The following FHL2 variants were observed in gnomAD, a reference collection of about 807,000 sequenced individuals.
FHL2 encodes the protein four and a half LIM domains 2, also known as four and a half LIM domains protein 2.
A neutral mutation model predicts 32.7 loss-of-function variants in FHL2; 20 were observed. The observed-to-expected ratio is 0.61, with a 90% confidence interval of 0.43 to 0.89. The LOEUF is 0.89. FHL2 is among the 40% of genes least tolerant of loss of function. FHL2 has a pLI of 0.00. For missense variants in FHL2, 311 were observed against 358.6 expected, an observed-to-expected ratio of 0.87 and a Z score of 1.07; for synonymous variants, 123 against 128.1, an observed-to-expected ratio of 0.96 and a Z score of 0.27.
At chr2:105,373,035 G>C (rs1005382939) in intron 4 of FHL2, among the ~76,000 whole-genome samples, 2 of 152,078 alleles carry the variant, frequency 1.3e-5, no homozygotes, top group African/African-American at 4.8e-5. Flanking sequence ...GCCATCCTCG[G>C]CACCTGGCCC....
At chr2:105,432,527 TAC>T (rs949977046) in intron 1 of FHL2, among the ~76,000 whole-genome samples, 70 of 152,330 alleles carry the variant, frequency 4.6e-4, no homozygotes, top group African/African-American at 1.5e-3. Context: ...AGCAAAATAT[TAC>T]AGTTTCCTAG....
intron 4 of FHL2, among the ~76,000 whole-genome samples, chr2:105,372,320 G>A (rs543096131): frequency 1.1e-4 from 16 of 152,132 alleles, no homozygotes; most frequent in Non-Finnish European, 2.1e-4. Flanking sequence ...CCATCTCCTG[G>A]GTTCAGGCCA....
At chr2:105,393,850 G>T (rs929722027) in intron 2 of FHL2, among the ~76,000 whole-genome samples, 1 of 152,202 alleles carries the variant, frequency 6.6e-6, no homozygotes, top group Non-Finnish European at 1.5e-5. Context: ...CTTCCGCAGC[G>T]GATATAACTC....
chr2:105,429,523 C>T (rs1684363838), intron 1 of FHL2, among the ~76,000 whole-genome samples: 1 of 152,090 alleles, frequency 6.6e-6, no homozygotes, highest in South Asian at 2.1e-4. Flanking sequence ...GGGCCATGAG[C>T]CAAGGAACGT....
chr2:105,391,210 TG>T (rs998713891), intron 2 of FHL2, among the ~76,000 whole-genome samples: 5 of 152,118 alleles, frequency 3.3e-5, no homozygotes, highest in Admixed American at 2.0e-4. Flanking sequence ...TCTAAAGTCA[TG>T]AAAAGTGCAG....
chr2:105,399,592 T>C (rs1163723075), upstream of FHL2: 1 of 1,532,652 alleles, frequency 6.5e-7, no homozygotes, highest in African/African-American at 1.4e-5. Flanking sequence ...GAAGGTCCTA[T>C]CCCCACCTCT....
intron 1 of FHL2, among the ~76,000 whole-genome samples, chr2:105,410,645 A>G (rs1375928299): frequency 2.6e-5 from 4 of 152,174 alleles, no homozygotes; most frequent in Non-Finnish European, 5.9e-5. Flanking sequence ...AAACCAACAC[A>G]TTGGTCTTTC....
intron 2 of FHL2, among the ~76,000 whole-genome samples, chr2:105,387,470 G>A (rs1042261362): frequency 1.3e-5 from 2 of 152,192 alleles, no homozygotes; most frequent in African/African-American, 4.8e-5. Flanking sequence ...AGATCATCCT[G>A]CAGCTGCCCA....
intron 1 of FHL2, among the ~76,000 whole-genome samples, chr2:105,431,570 T>C (rs1474618296): frequency 6.6e-6 from 1 of 152,152 alleles, no homozygotes; most frequent in Non-Finnish European, 1.5e-5. Flanking sequence ...GTGTGACTGG[T>C]GCCTCTCTAG....
intron 1 of FHL2, among the ~76,000 whole-genome samples, chr2:105,422,802 C>T (rs1684144418): frequency 6.6e-6 from 1 of 152,140 alleles, no homozygotes; most frequent in Admixed American, 6.5e-5. Context: ...TTGTCTGTAT[C>T]AGTTATACTA....
At position 105,409,423 on chromosome 2, in the gene FHL2, T is replaced by C. The variant is rs1683730490; in HGVS notation, c.-24-22883A>G. On this transcript the variant is annotated intron_variant, in intron 1 of 5. Transcript: ENST00000393352. ...GGCTGTGGCTATTCTAAGTAGGCCC[T>C]GGCATTGCAAGCCCAGCAAGATAGC... Among the ~76,000 whole-genome samples the C allele has an allele frequency of 2.6e-5, 4 of 152,292 alleles. No individual in the cohort carries two copies. The South Asian group carries it at 8.3e-4, about 32-fold the overall frequency.
chr2:105,358,917 G>A (rs532506034), downstream of FHL2: 1 of 152,258 alleles, frequency 6.6e-6, no homozygotes, highest in South Asian at 2.1e-4. Flanking sequence ...GAGGCTGTTT[G>A]TCCCGAACTC....
chr2:105,436,908 A>C (rs1398303757), intron 1 of FHL2, among the ~76,000 whole-genome samples: 1 of 152,188 alleles, frequency 6.6e-6, no homozygotes, highest in Non-Finnish European at 1.5e-5. Flanking sequence ...ATGAATTAGA[A>C]TCAGTCTCTG....
chr2:105,412,733 T>C (rs1175607994), intron 1 of FHL2, among the ~76,000 whole-genome samples: 1 of 151,900 alleles, frequency 6.6e-6, no homozygotes, highest in African/African-American at 2.4e-5. Flanking sequence ...CAAGGAAGGA[T>C]GAGGAGAAAG....
chr2:105,402,124 T>TACATATAC (rs986259627), upstream of FHL2, among the ~76,000 whole-genome samples: 1 of 149,634 alleles, frequency 6.7e-6, no homozygotes, highest in Non-Finnish European at 1.5e-5. Flanking sequence ...TATACATATA[T>TACATATAC]ACATATACAC....
intron 5 of FHL2, 92 bp from the exon 6 acceptor site, chr2:105,363,563 A>C: frequency 5.8e-6 from 7 of 1,215,324 alleles, no homozygotes; most frequent in African/African-American, 1.5e-5. Context: ...CAAGATCCTC[A>C]TCCAGAAACG....
chr2:105,391,648 T>C (rs186001933), intron 2 of FHL2, among the ~76,000 whole-genome samples: 3 of 152,292 alleles, frequency 2.0e-5, no homozygotes, highest in East Asian at 3.9e-4. Context: ...AGCCTGCCTT[T>C]ACTATGCAAG....
chr2:105,430,784 CA>C (rs1484019019), intron 1 of FHL2, among the ~76,000 whole-genome samples: 3 of 152,202 alleles, frequency 2.0e-5, no homozygotes, highest in Non-Finnish European at 4.4e-5. Flanking sequence ...CCTCATTCCA[CA>C]GAGGTCCTGC....
Position 105,363,517 on chromosome 2 carries a change from G to A in FHL2, c.502-46C>T, listed in dbSNP as rs1346963064. 8 of 1,520,844 alleles carry A rather than the reference G, an allele frequency of 5.3e-6. No individual in the cohort carries two copies. In the East Asian group the frequency reaches 7.1e-5, roughly 14 times the overall value. The allele number at this position is 1,520,844 out of a possible 1,614,324, so 94.2% of individuals were successfully genotyped here. On this transcript the variant is annotated intron_variant, in intron 5 of 6. Transcript: ENST00000530340. ...GTTAGTGTGGCCTCTGTGCTTGGCAGACATCTTCAGTCTCAGCTACTGCCA... is the reference window on the plus strand; with the variant it reads ...GTTAGTGTGGCCTCTGTGCTTGGCAAACATCTTCAGTCTCAGCTACTGCCA...
Sources: gnomAD v4.1 joint callset for allele counts (sites outside exome capture counted in the v4.1 genomes callset) on GRCh38, gnomAD v4.1.1 for gene constraint, MANE v1.5 for transcripts, NCBI Gene and HGNC (gene_info 2026-07-23, HGNC 2026-07-21) for gene names.